ANKAR: variants seen among roughly 807,000 people sequenced by gnomAD.
The protein encoded by ANKAR is ankyrin and armadillo repeat containing.
ANKAR carries 136 observed loss-of-function variants against 146.2 expected under a neutral mutation model. The ratio of observed to expected loss-of-function variants is 0.93; its 90% CI spans 0.81 to 1.07. The LOEUF is 1.07. Among genes scored for constraint, ANKAR ranks in the 50% least tolerant of loss-of-function variants. The pLI is 0.00. For synonymous variants in ANKAR, 500 were observed against 575.8 expected, an observed-to-expected ratio of 0.87 and a Z score of 1.88; for missense variants, 1,567 against 1,679.9, an observed-to-expected ratio of 0.93 and a Z score of 1.18.
In ANKAR at chr2:189,706,941, T is replaced by C. The variant is rs751509766; in HGVS notation, c.1914T>C (p.Asn638=). The change falls in exon 9 of 23, where the codon AAT becomes AAC. Residue 638 remains asparagine, a synonymous_variant. Transcript: ENST00000684021. The stretch of plus-strand genomic sequence containing the variant: ...TGTTATGTTTCTTAATTTTTAGGAA[T>C]CAGTGCACTCCACTGTTACTTGCTG... ...SLLEAEATAE[N]QCTPLLLAAT... The C allele has an allele frequency of 3.1e-6, 5 of 1,600,146 alleles. No individual in the cohort carries two copies. In the African/African-American group the frequency reaches 4.0e-5, roughly 13 times the overall value.
intron 10 of ANKAR, among the ~76,000 whole-genome samples, chr2:189,716,670 C>T (rs13011710): frequency 0.59 from 89,941 of 152,064 alleles, 30,145 homozygotes; most frequent in South Asian, 0.76. Flanking sequence ...GGAGCAATCA[C>T]GCTACCTGAC....
chr2:189,693,834 C>T (rs1370551211), intron 5 of ANKAR, among the ~76,000 whole-genome samples: 1 of 151,992 alleles, frequency 6.6e-6, no homozygotes, highest in African/African-American at 2.4e-5. Context: ...CTGCAACCTA[C>T]ACCTCCTAGG....
chr2:189,762,438 C>T, downstream of ANKAR: 3 of 288,036 alleles, frequency 1.0e-5, no homozygotes, highest in Non-Finnish European at 1.0e-5. Context: ...TTGCAGAAGG[C>T]AGTTGCGGGC....
chr2:189,742,966 ACACACACACACACAC>A (rs2043583352), intron 20 of ANKAR, among the ~76,000 whole-genome samples: 1 of 122,242 alleles, frequency 8.2e-6, no homozygotes, highest in African/African-American at 2.9e-5. Context: ...ACACACACAC[ACACACACACACACAC>A]CCCTGAAAGG....
Position 189,676,582 on chromosome 2 carries a change from C to T in ANKAR, c.92C>T (p.Ala31Val). 2.5e-6 allele frequency: 4 copies of T among 1,612,210 alleles called. No individual in the cohort carries two copies. The highest frequency in any genetic ancestry group is 3.4e-6 in the Non-Finnish European group (4 of 1,179,818). ...YLENLAIQRNASAFFEKYDRS... is the reference protein window; with the variant it reads ...YLENLAIQRNVSAFFEKYDRS... ...GAAAATTTAGCAATACAAAGAAATGCATCTGCTTTTTTTGAAAAATATGAT... is the reference window on the plus strand; with the variant it reads ...GAAAATTTAGCAATACAAAGAAATGTATCTGCTTTTTTTGAAAAATATGAT... The change falls in exon 2 of 23, where the codon GCA becomes GTA. Residue 31 changes from alanine to valine, a missense_variant. By Grantham distance (64) the Ala-to-Val change is moderately conservative. Coordinates refer to ENST00000684021, the MANE Select transcript of ANKAR (RefSeq NM_001378068.1).
chr2:189,751,453 T>G (rs1375681887), downstream of ANKAR, among the ~76,000 whole-genome samples: 1 of 150,750 alleles, frequency 6.6e-6, no homozygotes. Context: ...TGTTTTTTTT[T>G]TTTTTTTTTG....
chr2:189,718,330 C>T (rs2040789254), intron 10 of ANKAR, among the ~76,000 whole-genome samples: 1 of 5,056 alleles, frequency 2.0e-4, no homozygotes, highest in Non-Finnish European at 7.4e-3. Context: ...GTCTGTCTAT[C>T]TGTCTGTCTA....
chr2:189,704,681 A>G (rs1464383235), intron 7 of ANKAR, among the ~76,000 whole-genome samples: 3 of 146,912 alleles, frequency 2.0e-5, no homozygotes, highest in East Asian at 4.0e-4. Flanking sequence ...CCATAAGACT[A>G]TTTTACACAT....
intron 3 of ANKAR, among the ~76,000 whole-genome samples, chr2:189,691,725 T>TAA (rs1176485160): frequency 6.7e-6 from 1 of 149,266 alleles, no homozygotes; most frequent in African/African-American, 2.4e-5. Context: ...TATATATATA[T>TAA]AATATATAAA....
chr2:189,749,139 G>A (rs575084108), downstream of ANKAR, among the ~76,000 whole-genome samples: 42 of 151,394 alleles, frequency 2.8e-4, no homozygotes, highest in African/African-American at 9.7e-4. Context: ...CCAGCTACTC[G>A]GGAGGCTGAG....
chr2:189,696,817 G>A (rs947963227), intron 7 of ANKAR, among the ~76,000 whole-genome samples: 4 of 152,184 alleles, frequency 2.6e-5, no homozygotes, highest in Non-Finnish European at 5.9e-5. Context: ...TCAGGTCCCA[G>A]TAGAACAATC....
intron 18 of ANKAR, among the ~76,000 whole-genome samples, chr2:189,756,673 T>G (rs1304556989): frequency 6.6e-6 from 1 of 152,180 alleles, no homozygotes; most frequent in Non-Finnish European, 1.5e-5. Flanking sequence ...GGTTTCAAAG[T>G]TCATCTTTAC....
In ANKAR at chr2:189,743,686, G is replaced by C. The variant is rs186261316; in HGVS notation, c.4010+212G>C. On this transcript the variant is annotated intron_variant, in intron 21 of 22. Coordinates refer to ENST00000684021, the MANE Select transcript of ANKAR (RefSeq NM_001378068.1). ...GTGGGTGCAGACAAGAACACATCTA[G>C]ATCTTAGAGATCCTCTCTGGCCAGG... Among the ~76,000 whole-genome samples the C allele has an allele frequency of 5.3e-5, 8 of 152,256 alleles. 1 individual carries two copies. In the East Asian group the frequency reaches 1.5e-3, roughly 29 times the overall value.
chr2:189,682,329 G>A (rs2034836327), intron 2 of ANKAR, among the ~76,000 whole-genome samples: 1 of 152,098 alleles, frequency 6.6e-6, no homozygotes, highest in South Asian at 2.1e-4. Context: ...AAAAAGATGA[G>A]CATTACACCT....
At chr2:189,704,026 A>AGTAT (rs956676411) in intron 7 of ANKAR, among the ~76,000 whole-genome samples, 1 of 152,130 alleles carries the variant, frequency 6.6e-6, no homozygotes, top group African/African-American at 2.4e-5. Context: ...AAACCATATC[A>AGTAT]GGTAGTAAAG....
At chr2:189,749,290 T>A (rs200565757), downstream of ANKAR, among the ~76,000 whole-genome samples, 1 of 348 alleles carries the variant, frequency 2.9e-3, no homozygotes, top group Non-Finnish European at 0.01. Context: ...TACTCCACGG[T>A]TTTTTTTTTT....
At position 189,737,687 on chromosome 2, in the gene ANKAR, T is replaced by A. The variant is rs930603744; in HGVS notation, c.3428T>A (p.Ile1143Asn). 1 of 1,585,458 alleles carries A rather than the reference T, an allele frequency of 6.3e-7. No individual in the cohort carries two copies. Among genetic ancestry groups the A allele is most frequent in the African/African-American group, 1.4e-5 (1 of 73,196 alleles). The change falls in exon 18 of 23, where the codon ATT (isoleucine) becomes AAT (asparagine). Residue 1143 changes from isoleucine (I) to asparagine (N), a missense_variant. Coordinates refer to ENST00000684021, the MANE Select transcript of ANKAR (RefSeq NM_001378068.1). ...LYLLHSTEKD[I>N]CLRAGYALTL... is the part of the protein sequence containing the mutation. ...GCCTGTTTCTCCTATTTTTAGGATA[T>A]TTGCTTAAGAGCAGGCTATGCATTA...
At chr2:189,693,687 G>A (rs371482316) in intron 5 of ANKAR, among the ~76,000 whole-genome samples, 33 of 152,280 alleles carry the variant, frequency 2.2e-4, no homozygotes, top group African/African-American at 7.2e-4. Flanking sequence ...TGAGGTGGGA[G>A]GATTGCTTGA....
At chr2:189,755,670 G>C in intron 18 of ANKAR, 1 of 1,187,052 alleles carries the variant, frequency 8.4e-7, no homozygotes, top group Non-Finnish European at 1.1e-6. Flanking sequence ...AGCTGAGTAA[G>C]TCAAGTATTT....
Sources: gnomAD v4.1 joint callset for allele counts (sites outside exome capture counted in the v4.1 genomes callset) on GRCh38, gnomAD v4.1.1 for gene constraint, MANE v1.5 for transcripts, NCBI Gene and HGNC (gene_info 2026-07-23, HGNC 2026-07-21) for gene names.